Variants in DCLK2 observed in about 807,000 individuals in gnomAD.
DCLK2 encodes doublecortin like kinase 2, also known as serine/threonine-protein kinase DCLK2.
Under a neutral mutation model 78.4 loss-of-function variants are expected in DCLK2, and 31 were observed. That is an observed-to-expected ratio of 0.40 (90% confidence interval 0.30 to 0.53). The LOEUF (loss-of-function observed/expected upper bound fraction) is 0.53, where lower values mean the gene tolerates loss of function less well. Ranked by LOEUF, DCLK2 falls within the 20% of genes least tolerant of loss-of-function variation. The probability of loss-of-function intolerance (pLI) is 0.61; values close to 1 mark genes in which losing one functional copy is unlikely to be tolerated. For missense variants in DCLK2, 872 were observed against 973.7 expected, an observed-to-expected ratio of 0.90 and a Z score of 1.39; for synonymous variants, 407 against 374.9, an observed-to-expected ratio of 1.09 and a Z score of -0.99.
intron 5 of DCLK2, among the ~76,000 whole-genome samples, chr4:150,214,749 G>A (rs1054729828): frequency 1.3e-5 from 2 of 151,942 alleles, no homozygotes; most frequent in African/African-American, 4.8e-5. Flanking sequence ...ATCACTTGGG[G>A]TCAAGAGTTC....
intron 5 of DCLK2, among the ~76,000 whole-genome samples, chr4:150,214,398 C>T (rs1477592505): frequency 6.6e-6 from 1 of 152,102 alleles, no homozygotes; most frequent in Non-Finnish European, 1.5e-5. Context: ...ACAACCATAT[C>T]CTAAAGGTTG....
chr4:150,143,987 A>G (rs1734283604), intron 2 of DCLK2, among the ~76,000 whole-genome samples: 1 of 152,042 alleles, frequency 6.6e-6, no homozygotes, highest in Non-Finnish European at 1.5e-5. Flanking sequence ...CCCATTCTGT[A>G]GGTTGGCTGT....
Position 150,249,601 on chromosome 4 carries a change from G to A in DCLK2, c.1990G>A (p.Glu664Lys), listed in dbSNP as rs767593622. Residue 664 changes from glutamate to lysine, a missense_variant, in exon 15 of 16, where the codon GAG becomes AAG. Transcript: ENST00000296550. Reference sequence around the variant, plus strand: ...CTCCCAGGAGAATAACATGCAAGCTGAGGTGACAGGTAAACTAAAACAGCA... The same window carrying A: ...CTCCCAGGAGAATAACATGCAAGCTAAGGTGACAGGTAAACTAAAACAGCA... ...DASQENNMQA[E>K]VTGKLKQHFN... 6.2e-7 allele frequency: 1 copy of A among 1,613,774 alleles called. No individual in the cohort carries two copies. Among genetic ancestry groups the A allele is most frequent in the Non-Finnish European group, 8.5e-7 (1 of 1,179,970 alleles).
At chr4:150,164,942 AC>A (rs1435786243) in intron 2 of DCLK2, among the ~76,000 whole-genome samples, 3 of 152,208 alleles carry the variant, frequency 2.0e-5, no homozygotes, top group African/African-American at 7.2e-5. Context: ...ACACTGTAAG[AC>A]CCTTACTGTT....
chr4:150,211,684 C>T (rs939095909), intron 5 of DCLK2, among the ~76,000 whole-genome samples: 7 of 152,116 alleles, frequency 4.6e-5, no homozygotes, highest in African/African-American at 1.7e-4. Context: ...TCCTTTTGTT[C>T]GTCAGACTGC....
At position 150,185,962 on chromosome 4, in the gene DCLK2, G is replaced by A. The variant is rs543521134; in HGVS notation, c.757-7176G>A. Among the ~76,000 whole-genome samples, 27 of 152,216 alleles carry A rather than the reference G, an allele frequency of 1.8e-4. 1 individual carries two copies. In the South Asian group the frequency reaches 5.2e-3, roughly 29 times the overall value. ...AACTTAGATGGACTCCTGTAGATACGTTATTTTTCACTTGGATGTTTCCCC... is the reference window on the plus strand; with the variant it reads ...AACTTAGATGGACTCCTGTAGATACATTATTTTTCACTTGGATGTTTCCCC... On this transcript the variant is annotated intron_variant, in intron 2 of 15. Transcript: ENST00000296550.
chr4:150,121,476 C>T (rs967241109), intron 2 of DCLK2, among the ~76,000 whole-genome samples: 16 of 152,222 alleles, frequency 1.1e-4, no homozygotes, highest in Admixed American at 7.9e-4. Context: ...GCAATTCAGT[C>T]ATATATTTAG....
At position 150,220,691 on chromosome 4, in the gene DCLK2, C is replaced by CT. The variant is rs1741119774; in HGVS notation, c.1057-11dup. ...ATTATCCTGATAAATAATGGTCATT[C>CT]TCCTCTTTCAGCAGATTTCTGCTCA... On this transcript the variant is annotated splice_polypyrimidine_tract_variant and intron_variant, in intron 5 of 15. Coordinates refer to ENST00000296550, the MANE Select transcript of DCLK2 (RefSeq NM_001040260.4). 1.2e-6 allele frequency: 2 copies of CT among 1,608,986 alleles called. No individual in the cohort carries two copies. The highest frequency in any genetic ancestry group is 1.7e-4 in the Middle Eastern group (1 of 6,052).
chr4:150,251,655 G>A (rs1398004457), intron 15 of DCLK2, among the ~76,000 whole-genome samples: 5 of 3,774 alleles, frequency 1.3e-3, no homozygotes, highest in Non-Finnish European at 2.2e-3. Flanking sequence ...CCGCCCCCAC[G>A]AGCGTGCAGC....
At chr4:150,239,469 G>A (rs113847898) in intron 10 of DCLK2, among the ~76,000 whole-genome samples, 3,573 of 152,160 alleles carry the variant, frequency 0.023, 139 homozygotes, top group African/African-American at 0.081. Flanking sequence ...GTGGTGGCAT[G>A]TACCTGTAGT....
At chr4:150,152,436 C>T (rs1385052081) in intron 2 of DCLK2, among the ~76,000 whole-genome samples, 1 of 152,180 alleles carries the variant, frequency 6.6e-6, no homozygotes, top group Non-Finnish European at 1.5e-5. Context: ...TGCCCACCAC[C>T]ACACCCAGCT....
At chr4:150,105,646 A>G (rs1179166296) in intron 2 of DCLK2, among the ~76,000 whole-genome samples, 1 of 152,080 alleles carries the variant, frequency 6.6e-6, no homozygotes, top group Non-Finnish European at 1.5e-5. Context: ...CCTGACATGC[A>G]AACATAATTA....
At position 150,089,422 on chromosome 4, in the gene DCLK2, C is replaced by T. The variant is rs556813161; in HGVS notation, c.421+9974C>T. ...AAGTTTTGCCTCTATTTAAATGCAC[C>T]AGTTGAAGGACTGACCCTATATGTA... On this transcript the variant is annotated intron_variant, in intron 1 of 15. Transcript: ENST00000296550. 3.9e-5 allele frequency among the ~76,000 whole-genome samples: 6 copies of T among 152,242 alleles called. No individual in the cohort carries two copies. The South Asian group carries it at 1.0e-3, about 26-fold the overall frequency.
intron 2 of DCLK2, among the ~76,000 whole-genome samples, chr4:150,163,998 A>C (rs1317929171): frequency 1.3e-5 from 2 of 152,290 alleles, no homozygotes; most frequent in African/African-American, 4.8e-5. Flanking sequence ...GCTGGTCTCA[A>C]ACTCCTGGCC....
chr4:150,171,457 G>T (rs1203951321), intron 2 of DCLK2, among the ~76,000 whole-genome samples: 1 of 152,178 alleles, frequency 6.6e-6, no homozygotes, highest in Non-Finnish European at 1.5e-5. Context: ...CTCCAGCCTG[G>T]GCGACAGAGC....
At chr4:150,173,678 A>G (rs1427977066) in intron 2 of DCLK2, among the ~76,000 whole-genome samples, 4 of 152,176 alleles carry the variant, frequency 2.6e-5, no homozygotes, top group Non-Finnish European at 4.4e-5. Flanking sequence ...AGTGCCTTGC[A>G]TTGTCCTCTC....
intron 2 of DCLK2, among the ~76,000 whole-genome samples, chr4:150,128,774 A>G (rs1733088310): frequency 6.6e-6 from 1 of 152,142 alleles, no homozygotes; most frequent in South Asian, 2.1e-4. Context: ...GTGGGTCAGG[A>G]TAGTGGAGTG....
rs139095270 is a variant in DCLK2, at chr4:150,106,598, C to T, written c.756+3786C>T. Among the ~76,000 whole-genome samples the T allele has an allele frequency of 2.5e-3, 380 of 152,328 alleles. 3 individuals are homozygous for T. The highest frequency in any genetic ancestry group is 8.6e-3 in the African/African-American group (356 of 41,578). ...TGTTTTCATTTAAAATTTTCCTGAT[C>T]GTCAACACAAGGATAGAAATTAAAT... On this transcript the variant is annotated intron_variant, in intron 2 of 15. Coordinates refer to ENST00000296550, the MANE Select transcript of DCLK2 (RefSeq NM_001040260.4).
chr4:150,150,945 G>A (rs1324578554), intron 2 of DCLK2, among the ~76,000 whole-genome samples: 1 of 152,234 alleles, frequency 6.6e-6, no homozygotes. Context: ...TGTGACTGTG[G>A]CTACACAGTC....
Sources: allele counts gnomAD v4.1 joint callset (sites outside exome capture counted in the v4.1 genomes callset), GRCh38; gene constraint gnomAD v4.1.1; transcripts MANE v1.5; gene names NCBI Gene and HGNC (gene_info 2026-07-23, HGNC 2026-07-21).